NFIB: variants seen among roughly 807,000 people sequenced by gnomAD.
NFIB encodes nuclear factor 1 B-type.
Under a neutral mutation model 61.5 loss-of-function variants are expected in NFIB, and 11 were observed. The ratio of observed to expected loss-of-function variants is 0.18; its 90% confidence interval spans 0.11 to 0.30. The LOEUF is 0.30. Among genes scored for constraint, NFIB ranks in the 10% least tolerant of loss-of-function variants. The probability of loss-of-function intolerance (pLI) is 1.00; values close to 1 mark genes in which losing one functional copy is unlikely to be tolerated. For synonymous variants in NFIB, 260 were observed against 216.5 expected, an observed-to-expected ratio of 1.20 and a Z score of -1.76; for missense variants, 471 against 608.9, an observed-to-expected ratio of 0.77 and a Z score of 2.38.
At chr9:14,353,461 A>G (rs552525593) in intron 1 of NFIB, among the ~76,000 whole-genome samples, 10 of 152,086 alleles carry the variant, frequency 6.6e-5, no homozygotes, top group Non-Finnish European at 1.5e-4. Flanking sequence ...GGGTCTCTGA[A>G]CTGCTGCATC....
chr9:14,258,250 G>GT (rs1312252825), intron 2 of NFIB, among the ~76,000 whole-genome samples: 2 of 152,204 alleles, frequency 1.3e-5, no homozygotes, highest in Non-Finnish European at 2.9e-5. Flanking sequence ...CCAATAGGCT[G>GT]TTTAACCTTG....
intron 1 of NFIB, among the ~76,000 whole-genome samples, chr9:14,309,990 G>T (rs928983791): frequency 4.6e-5 from 7 of 152,138 alleles, no homozygotes; most frequent in Non-Finnish European, 1.0e-4. Context: ...TAACACGTAA[G>T]TACTTACACC....
intron 9 of NFIB, among the ~76,000 whole-genome samples, chr9:14,115,302 A>C (rs562977534): frequency 1.3e-5 from 2 of 151,568 alleles, no homozygotes; most frequent in South Asian, 4.2e-4. Context: ...GAAAAAAAAA[A>C]GGTTTGAATT....
chr9:14,471,151 T>C, the NFIB span, among the ~76,000 whole-genome samples: 4 of 152,242 alleles, frequency 2.6e-5, no homozygotes, highest in Admixed American at 6.5e-5. Context: ...TATAAACTTC[T>C]ATAATCGTAG....
intron 2 of NFIB, among the ~76,000 whole-genome samples, chr9:14,187,004 CCT>C (rs1491416282): frequency 0.016 from 1,173 of 75,270 alleles, 23 homozygotes; most frequent in African/African-American, 0.037. Flanking sequence ...ATTCTTCGCT[CCT>C]GTGTGTGTGT....
chr9:14,229,269 C>G (rs1003652830), intron 2 of NFIB, among the ~76,000 whole-genome samples: 1 of 152,118 alleles, frequency 6.6e-6, no homozygotes, highest in South Asian at 2.1e-4. Context: ...GTTGTTACAC[C>G]AGCACGCAAA....
chr9:14,363,741 A>C (rs1258141536), intron 1 of NFIB, among the ~76,000 whole-genome samples: 1 of 152,020 alleles, frequency 6.6e-6, no homozygotes, highest in Non-Finnish European at 1.5e-5. Context: ...AAGCAGTTAA[A>C]ATTTTTTCAA....
At chr9:14,136,155 T>A (rs1276074993) in intron 6 of NFIB, among the ~76,000 whole-genome samples, 2 of 152,168 alleles carry the variant, frequency 1.3e-5, no homozygotes, top group Admixed American at 6.6e-5. Flanking sequence ...AAACAGTGAA[T>A]ATGGAATAAA....
chr9:14,118,782 T>C (rs2038527998), intron 8 of NFIB, among the ~76,000 whole-genome samples: 1 of 150,490 alleles, frequency 6.6e-6, no homozygotes, highest in Non-Finnish European at 1.5e-5. Context: ...TTTTTTTTTT[T>C]TTGAGATGAG....
chr9:14,507,463 G>A, the NFIB span, among the ~76,000 whole-genome samples: 1 of 152,144 alleles, frequency 6.6e-6, no homozygotes, highest in South Asian at 2.1e-4. Context: ...AATTCCTTTA[G>A]ATATATGTAA....
chr9:14,259,812 C>T (rs911787773), intron 2 of NFIB, among the ~76,000 whole-genome samples: 4 of 151,972 alleles, frequency 2.6e-5, no homozygotes, highest in Admixed American at 6.6e-5. Flanking sequence ...GGCTGAGGCA[C>T]GAGAATCGCT....
chr9:14,099,877 G>C (rs949113666), intron 10 of NFIB, among the ~76,000 whole-genome samples: 1 of 152,120 alleles, frequency 6.6e-6, no homozygotes, highest in African/African-American at 2.4e-5. Flanking sequence ...TTCCAGACCA[G>C]CCTGGCCAAC....
chr9:14,261,068 G>A (rs1425720332), intron 2 of NFIB, among the ~76,000 whole-genome samples: 1 of 152,208 alleles, frequency 6.6e-6, no homozygotes, highest in African/African-American at 2.4e-5. Context: ...TATAATCCCA[G>A]CTCTTTGGGA....
At chr9:14,421,124 C>T in the NFIB span, among the ~76,000 whole-genome samples, 4 of 149,566 alleles carry the variant, frequency 2.7e-5, no homozygotes, top group African/African-American at 9.8e-5. Context: ...ATGTGCAAAA[C>T]TGTAGCATTC....
chr9:14,325,881 AAC>A (rs1194504032), intron 1 of NFIB, among the ~76,000 whole-genome samples: 1 of 152,180 alleles, frequency 6.6e-6, no homozygotes, highest in Non-Finnish European at 1.5e-5. Flanking sequence ...TGAACATATA[AAC>A]ACATTCTTTT....
At chr9:14,291,749 A>G (rs1294428592) in intron 2 of NFIB, among the ~76,000 whole-genome samples, 2 of 152,254 alleles carry the variant, frequency 1.3e-5, no homozygotes, top group East Asian at 3.9e-4. Context: ...CAGAACTTCT[A>G]ACAGCTCCTC....
chr9:14,090,945 T>TTGG (rs1215274030), intron 10 of NFIB, among the ~76,000 whole-genome samples: 1 of 152,046 alleles, frequency 6.6e-6, no homozygotes, highest in African/African-American at 2.4e-5. Flanking sequence ...TCATTATTCT[T>TTGG]TGGAAAATGT....
intron 1 of NFIB, among the ~76,000 whole-genome samples, chr9:14,364,335 A>G (rs904784708): frequency 1.1e-4 from 16 of 152,206 alleles, no homozygotes; most frequent in African/African-American, 3.9e-4. Context: ...GAAGAGATCA[A>G]AAGTCTCTCC....
At chr9:14,244,414 T>A (rs1322986) in intron 2 of NFIB, among the ~76,000 whole-genome samples, 11 of 152,214 alleles carry the variant, frequency 7.2e-5, no homozygotes, top group African/African-American at 2.6e-4. Context: ...GCTGATTAAA[T>A]GAGAGACATT....
Sources: allele counts gnomAD v4.1 joint callset (sites outside exome capture counted in the v4.1 genomes callset), GRCh38; gene constraint gnomAD v4.1.1; transcripts MANE v1.5; gene names NCBI Gene and HGNC (gene_info 2026-07-23, HGNC 2026-07-21).